The following ACSS1 variants were observed in gnomAD, a reference collection of about 807,000 sequenced individuals.
ACSS1 encodes acyl-CoA synthetase short chain family member 1, also known as acetyl-coenzyme A synthetase 2-like, mitochondrial.
A neutral mutation model predicts 75.3 loss-of-function variants in ACSS1; 42 were observed. The ratio of observed to expected loss-of-function variants is 0.56; its 90% CI spans 0.44 to 0.72. ACSS1 has a LOEUF of 0.72. Ranked by LOEUF, ACSS1 falls within the 30% of genes least tolerant of loss-of-function variation. ACSS1 has a pLI of 0.00. For synonymous variants in ACSS1, 380 were observed against 376.8 expected, an observed-to-expected ratio of 1.01 and a Z score of -0.10; for missense variants, 782 against 935.7, an observed-to-expected ratio of 0.84 and a Z score of 2.14.
At chr20:25,021,560 C>T in intron 5 of ACSS1, 24 bp from the exon 6 acceptor site, 2 of 1,609,442 alleles carry the variant, frequency 1.2e-6, no homozygotes, top group Non-Finnish European at 1.7e-6. Flanking sequence ...AAAGGAGCAT[C>T]AGGAGCTTGT....
chr20:25,015,357 A>T, intron 7 of ACSS1, 127 bp from the exon 8 acceptor site: 1 of 767,844 alleles, frequency 1.3e-6, no homozygotes, highest in Admixed American at 2.8e-5. Flanking sequence ...GTCTCCCAGG[A>T]TGATCTTGGC....
At position 25,018,936 on chromosome 20, in the gene ACSS1, T is replaced by A. The variant is rs1333293547; in HGVS notation, c.1246+1074A>T. Among the ~76,000 whole-genome samples the A allele has an allele frequency of 3.3e-5, 5 of 152,182 alleles. No homozygotes were observed. In the East Asian group the frequency reaches 9.6e-4, roughly 29 times the overall value. On this transcript the variant is annotated intron_variant, in intron 7 of 13. Transcript: ENST00000323482. ...TGTGGCATCCTCGCCACCCTGTAGG[T>A]AGGTCTCATCCCCATCTCACATTTG...
chr20:25,050,556 G>A (rs1226680907), intron 1 of ACSS1, among the ~76,000 whole-genome samples: 1 of 152,076 alleles, frequency 6.6e-6, no homozygotes, highest in East Asian at 1.9e-4. Context: ...GAGCCCCCCG[G>A]AAGAGTGGCC....
Position 25,015,184 on chromosome 20 carries a change from C to A in ACSS1, c.1293G>T (p.Val431=), listed in dbSNP as rs779475704. 2 of 1,613,312 alleles carry A rather than the reference C, an allele frequency of 1.2e-6. No homozygotes were observed. Among genetic ancestry groups the A allele is most frequent in the East Asian group, 4.5e-5 (2 of 44,836 alleles). ...NCEAWEWLHR[V]VGDSRCTLVD... ...CCAGCGTGCACCTGCTGTCCCCCAC[C>A]ACCCTGTGAAGCCACTCCCAGGCCT... is the stretch of plus-strand genomic sequence containing the variant. The change falls in exon 8 of 14, where the codon GTG becomes GTT. Residue 431 remains valine, a synonymous_variant. Transcript: ENST00000323482.
chr20:25,012,924 C>G lies in ACSS1; in HGVS notation c.1595G>C (p.Gly532Ala). The stretch of plus-strand genomic sequence containing the variant: ...GCCCTCAGTTCGGTAAGCCCCGTCT[C>G]CAGTGAAGTAATAGCCTGCACCACA... ...FKAYPGYYFTGDGAYRTEGGY... is the reference protein window; with the variant it reads ...FKAYPGYYFTADGAYRTEGGY... The change falls in exon 11 of 14, where the codon GGA becomes GCA. Residue 532 changes from glycine (G) to alanine (A), a missense_variant. Physicochemically the swap from Gly to Ala is moderately conservative, Grantham distance 60. Coordinates refer to ENST00000323482, the MANE Select transcript of ACSS1 (RefSeq NM_032501.4). 1 of 1,614,196 alleles carries G rather than the reference C, an allele frequency of 6.2e-7. No individual in the cohort carries two copies. Among genetic ancestry groups the G allele is most frequent in the Non-Finnish European group, 8.5e-7 (1 of 1,180,034 alleles).
At chr20:25,034,497 G>A (rs1051585422) in intron 2 of ACSS1, among the ~76,000 whole-genome samples, 2 of 151,906 alleles carry the variant, frequency 1.3e-5, no homozygotes, top group Non-Finnish European at 2.9e-5. Context: ...CTTCCAAATG[G>A]ACCCCCACAT....
intron 2 of ACSS1, 100 bp downstream of exon 2, chr20:25,047,985 C>T (rs929544551): frequency 1.5e-5 from 15 of 1,020,280 alleles, no homozygotes; most frequent in Non-Finnish European, 2.0e-5. Context: ...CCAAAATGCA[C>T]TCCCTGAGAC....
rs1270928786 is a variant in ACSS1, at chr20:25,007,129, G to C, written c.*633C>G. 1 of 1,390,698 alleles carries C rather than the reference G, an allele frequency of 7.2e-7. No homozygotes were observed. The highest frequency in any genetic ancestry group is 1.5e-5 in the African/African-American group (1 of 68,940). 86.1% of individuals were successfully genotyped at this position (1,390,698 alleles called of 1,614,324 possible). On this transcript the variant is annotated 3_prime_UTR_variant, in exon 14 of 14. Coordinates refer to ENST00000323482, the MANE Select transcript of ACSS1 (RefSeq NM_032501.4). ...TGCCGGAGGCTTGGAAGTTCTCAAGGGAACTGTTTAGACAGAGGTACAAAC... is the reference window on the plus strand; with the variant it reads ...TGCCGGAGGCTTGGAAGTTCTCAAGCGAACTGTTTAGACAGAGGTACAAAC...
chr20:25,027,475 T>C (rs1457923789), intron 3 of ACSS1, among the ~76,000 whole-genome samples: 2 of 151,884 alleles, frequency 1.3e-5, no homozygotes, highest in Non-Finnish European at 2.9e-5. Context: ...AAAGGAAGGG[T>C]GGTTCAACAT....
chr20:25,007,381 A>G lies in ACSS1; in HGVS notation c.*381T>C. On this transcript the variant is annotated 3_prime_UTR_variant, in exon 14 of 14. Coordinates refer to ENST00000323482, the MANE Select transcript of ACSS1 (RefSeq NM_032501.4). The stretch of plus-strand genomic sequence containing the variant: ...GACCTTTGTATCTAGACAGATCTGG[A>G]GAAAACACGGTTGCTACTAGCTAAC... The G allele has an allele frequency of 9.1e-7, 1 of 1,100,900 alleles. No homozygotes were observed. Among genetic ancestry groups the G allele is most frequent in the Non-Finnish European group, 1.1e-6 (1 of 902,500 alleles). 68.2% of individuals were successfully genotyped at this position (1,100,900 alleles called of 1,614,324 possible). A position where few individuals can be genotyped will look rare whatever the true frequency, so the allele number is the denominator to read the frequency against.
intron 8 of ACSS1, among the ~76,000 whole-genome samples, chr20:25,014,529 T>C (rs11699487): frequency 0.11 from 17,369 of 152,226 alleles, 1,162 homozygotes; most frequent in African/African-American, 0.17. Context: ...CAGGTTTTCC[T>C]GAATGGATGG....
At chr20:25,013,432 C>T (rs2088452493) in intron 10 of ACSS1, 104 bp downstream of exon 10, 19 of 1,433,074 alleles carry the variant, frequency 1.3e-5, no homozygotes, top group Non-Finnish European at 1.7e-5. Context: ...TATTCCTGGC[C>T]ACAGTGTTAC....
chr20:25,013,546 C>G lies in ACSS1; in HGVS notation c.1569G>C (p.Lys523Asn), dbSNP rs755254924. Reference sequence around the variant, plus strand: ...TGACAGCCTGCTCACCTGGGTAGGCCTTGAAGTAGGCGTCCACAAATCGCT... The same window carrying G: ...TGACAGCCTGCTCACCTGGGTAGGCGTTGAAGTAGGCGTCCACAAATCGCT... ...DHQRFVDAYF[K>N]AYPGYYFTGD... The change falls in exon 10 of 14, where the codon AAG becomes AAC. Residue 523 changes from lysine (K) to asparagine (N), a missense_variant. By Grantham distance (94) the Lys-to-Asn change is moderately conservative (BLOSUM62 0). Around this residue, in one of 2 missense-constraint regions of ACSS1, gnomAD observed 405 missense variants for 552.6 expected, o/e 0.73. Transcript: ENST00000323482. The G allele has an allele frequency of 6.3e-7, 1 of 1,599,528 alleles. No individual in the cohort carries two copies. The highest frequency in any genetic ancestry group is 8.6e-7 in the Non-Finnish European group (1 of 1,168,094).
chr20:25,033,587 G>A (rs1171589884), intron 2 of ACSS1, among the ~76,000 whole-genome samples: 4 of 152,244 alleles, frequency 2.6e-5, no homozygotes, highest in Non-Finnish European at 4.4e-5. Context: ...ACTCACTTCA[G>A]TGAATTCCTG....
At chr20:25,032,129 G>A (rs1318151420) in intron 2 of ACSS1, among the ~76,000 whole-genome samples, 2 of 152,198 alleles carry the variant, frequency 1.3e-5, no homozygotes, top group Non-Finnish European at 2.9e-5. Flanking sequence ...AGGTGGGTGA[G>A]CAGCACCCCC....
At chr20:25,016,601 T>C (rs1182101138) in intron 7 of ACSS1, among the ~76,000 whole-genome samples, 1 of 152,228 alleles carries the variant, frequency 6.6e-6, no homozygotes, top group Non-Finnish European at 1.5e-5. Context: ...GCATCCATGC[T>C]GCATGATCAG....
chr20:25,020,854 A>G (rs540961292), intron 6 of ACSS1, among the ~76,000 whole-genome samples: 41 of 152,266 alleles, frequency 2.7e-4, no homozygotes, highest in Non-Finnish European at 4.3e-4. Flanking sequence ...TGATCTGCTT[A>G]CATTAAAGAA....
chr20:25,039,571 G>A (rs1280916093), intron 2 of ACSS1, among the ~76,000 whole-genome samples: 4 of 152,176 alleles, frequency 2.6e-5, no homozygotes, highest in Non-Finnish European at 5.9e-5. Flanking sequence ...GGGTGGGTGT[G>A]GAATGGCGTT....
chr20:25,048,980 C>T (rs978616478), intron 1 of ACSS1, among the ~76,000 whole-genome samples: 2 of 152,164 alleles, frequency 1.3e-5, no homozygotes, highest in Admixed American at 6.5e-5. Context: ...CGGAGGGTCC[C>T]CAGGTATGCA....
Sources: gnomAD v4.1 joint callset for allele counts (sites outside exome capture counted in the v4.1 genomes callset) on GRCh38, gnomAD v4.1.1 for gene constraint, gnomAD v4.1.1 regional missense constraint, MANE v1.5 for transcripts, NCBI Gene and HGNC (gene_info 2026-07-23, HGNC 2026-07-21) for gene names.